Variants in HERC3 observed in about 807,000 individuals in gnomAD.
HERC3 encodes HECT and RLD domain containing E3 ubiquitin protein ligase 3, also known as probable E3 ubiquitin-protein ligase HERC3.
In HERC3, 58 loss-of-function variants were observed where a neutral mutation model predicts 129.9. That is an observed-to-expected ratio of 0.45 (90% CI 0.36 to 0.56). The LOEUF is 0.56. Ranked by LOEUF, HERC3 falls within the 20% of genes least tolerant of loss-of-function variation. The pLI, the probability that HERC3 is intolerant of heterozygous loss-of-function variation, is 0.00. For synonymous variants in HERC3, 430 were observed against 451.0 expected (o/e 0.95, Z 0.59); for missense variants, 835 against 1,244.2 (o/e 0.67, Z 4.95).
the HERC3 span, among the ~76,000 whole-genome samples, chr4:88,524,289 T>C: frequency 6.6e-6 from 1 of 152,222 alleles, no homozygotes; most frequent in Admixed American, 6.5e-5. Context: ...ATATAAATTC[T>C]TCCTGCCTGA....
At chr4:88,576,945 G>A in the HERC3 span, among the ~76,000 whole-genome samples, 1 of 151,788 alleles carries the variant, frequency 6.6e-6, no homozygotes, top group Non-Finnish European at 1.5e-5. Flanking sequence ...AATTTATCTG[G>A]AATTTATTTT....
chr4:88,601,828 G>A lies in HERC3; in HGVS notation c.-29-3967G>A, dbSNP rs1321287024. On this transcript the variant is annotated intron_variant, in intron 2 of 25. Coordinates refer to ENST00000402738, the MANE Select transcript of HERC3 (RefSeq NM_014606.3). ...TCCCAGCACTTTGGGAGGCCGAGGCGGGCGGATCACGAGGTCAGGAGATCG... is the reference window on the plus strand; with the variant it reads ...TCCCAGCACTTTGGGAGGCCGAGGCAGGCGGATCACGAGGTCAGGAGATCG... Among the ~76,000 whole-genome samples, 3 of 129,772 alleles carry A rather than the reference G, an allele frequency of 2.3e-5. 1 individual carries two copies. Among genetic ancestry groups the A allele is most frequent in the East Asian group, 2.2e-4 (1 of 4,480 alleles). 85.1% of individuals were successfully genotyped at this position (129,772 alleles called of 152,430 possible). A position where few individuals can be genotyped will look rare whatever the true frequency, so the allele number is the denominator to read the frequency against.
chr4:88,605,090 A>T (rs28671259), intron 2 of HERC3, among the ~76,000 whole-genome samples: 7,254 of 152,208 alleles, frequency 0.048, 221 homozygotes, highest in Middle Eastern at 0.13. Flanking sequence ...AGGAGATTAA[A>T]ATCTGTTTGG....
Position 88,627,204 on chromosome 4 carries a change from G to C in HERC3, c.226+21155G>C, listed in dbSNP as rs1015753760. On this transcript the variant is annotated intron_variant, in intron 3 of 25. Coordinates refer to ENST00000402738, the MANE Select transcript of HERC3 (RefSeq NM_014606.3). ...TATCTAAATATGTGGCAATTTTGCT[G>C]TTATCTTTCATTTAATTATTTCTAG... is the stretch of plus-strand genomic sequence containing the variant. Among the ~76,000 whole-genome samples, 9 of 152,096 alleles carry C rather than the reference G, an allele frequency of 5.9e-5. No homozygotes were observed. The South Asian group carries it at 1.2e-3, about 21-fold the overall frequency.
At chr4:88,685,866 CTTACTT>C (rs1483249972) in intron 21 of HERC3, among the ~76,000 whole-genome samples, 1 of 152,100 alleles carries the variant, frequency 6.6e-6, no homozygotes, top group Non-Finnish European at 1.5e-5. Flanking sequence ...TAAAACCAGA[CTTACTT>C]TTATGTCTCT....
upstream of HERC3, among the ~76,000 whole-genome samples, chr4:88,587,826 C>T (rs57264642): frequency 1.3e-3 from 205 of 152,372 alleles, 1 homozygote; most frequent in African/African-American, 4.5e-3. Flanking sequence ...TGTGCAGCTA[C>T]ATGATGACAA....
rs1735824407 is a variant in HERC3 at position 88,706,824 on chromosome 4, C to A, written c.3017C>A (p.Ala1006Asp). 6.2e-7 allele frequency: 1 copy of A among 1,614,148 alleles called. No individual in the cohort carries two copies. Among genetic ancestry groups the A allele is most frequent in the Non-Finnish European group, 8.5e-7 (1 of 1,180,018 alleles). The part of the protein sequence containing the change: ...ASLQIVIQST[A>D]SGEEYLPVAH... ...CTGCAGATTGTCATCCAGTCCACAG[C>A]CAGCGGGGAGGAGTACTTGCCGGTG... Residue 1006 changes from alanine (A) to aspartate (D), a missense_variant, in exon 26 of 26, where the codon GCC (alanine) becomes GAC (aspartate). Ala to Asp is a moderately radical substitution (Grantham distance 126). Transcript: ENST00000402738.
intron 18 of HERC3, among the ~76,000 whole-genome samples, chr4:88,677,759 T>C (rs75329572): frequency 0.015 from 2,323 of 152,292 alleles, 63 homozygotes; most frequent in African/African-American, 0.054. Flanking sequence ...ATAAACTGTT[T>C]TAGTTAATTT....
chr4:88,609,640 C>A (rs991009916), intron 3 of HERC3, among the ~76,000 whole-genome samples: 6 of 152,050 alleles, frequency 3.9e-5, no homozygotes, highest in African/African-American at 1.4e-4. Context: ...TCAGATAGTT[C>A]TTGGTGAAGG....
chr4:88,585,335 G>A, the HERC3 span, among the ~76,000 whole-genome samples: 2 of 152,338 alleles, frequency 1.3e-5, no homozygotes, highest in Non-Finnish European at 2.9e-5. Context: ...CTTGTAGTTG[G>A]TTAGTAGGTG....
intron 16 of HERC3, among the ~76,000 whole-genome samples, chr4:88,674,733 G>T (rs1184900085): frequency 6.6e-6 from 1 of 152,050 alleles, no homozygotes; most frequent in Admixed American, 6.6e-5. Flanking sequence ...AAAGTAATTG[G>T]ATATGTAGGC....
intron 23 of HERC3, chr4:88,690,080 T>A: frequency 2.0e-6 from 2 of 985,380 alleles, no homozygotes; most frequent in Non-Finnish European, 2.4e-6. Flanking sequence ...TTGATGGAAT[T>A]ATCTTGGCTC....
the HERC3 span, among the ~76,000 whole-genome samples, chr4:88,545,427 A>ATTTTTTTT: frequency 8.4e-6 from 1 of 118,684 alleles, no homozygotes; most frequent in African/African-American, 4.2e-5. Context: ...CCTTTTGAGA[A>ATTTTTTTT]TTCTTTTTTT....
At chr4:88,596,909 T>A (rs1226816344) in intron 2 of HERC3, among the ~76,000 whole-genome samples, 1 of 152,226 alleles carries the variant, frequency 6.6e-6, no homozygotes, top group Non-Finnish European at 1.5e-5. Flanking sequence ...TTGTTATAGT[T>A]GTGTTTGAAT....
chr4:88,542,316 C>A, the HERC3 span, among the ~76,000 whole-genome samples: 2 of 152,188 alleles, frequency 1.3e-5, no homozygotes, highest in African/African-American at 4.8e-5. Flanking sequence ...ATAAACACCT[C>A]TACACAAATA....
chr4:88,703,814 C>T (rs1160304122), intron 23 of HERC3, among the ~76,000 whole-genome samples: 1 of 152,156 alleles, frequency 6.6e-6, no homozygotes, highest in Non-Finnish European at 1.5e-5. Context: ...AACTGGAATA[C>T]CTCAGGTAAA....
At chr4:88,606,769 C>T (rs1028159508) in intron 3 of HERC3, among the ~76,000 whole-genome samples, 1 of 152,132 alleles carries the variant, frequency 6.6e-6, no homozygotes, top group African/African-American at 2.4e-5. Context: ...AGACCTGCCC[C>T]CATAATTCAT....
chr4:88,666,916 G>A (rs10516817), intron 12 of HERC3, among the ~76,000 whole-genome samples: 21,618 of 152,116 alleles, frequency 0.14, 1,715 homozygotes, highest in East Asian at 0.2. Context: ...CAACAAGGAA[G>A]TTCTACTGTC....
intron 14 of HERC3, among the ~76,000 whole-genome samples, chr4:88,668,860 A>G (rs1255967974): frequency 6.6e-6 from 1 of 152,152 alleles, no homozygotes; most frequent in Non-Finnish European, 1.5e-5. Context: ...TGTAGAAGAG[A>G]TAAAAACAGA....
Sources: allele counts gnomAD v4.1 joint callset (sites outside exome capture counted in the v4.1 genomes callset), GRCh38; gene constraint gnomAD v4.1.1; transcripts MANE v1.5; gene names NCBI Gene and HGNC (gene_info 2026-07-23, HGNC 2026-07-21).